Variants in EPAS1 observed in about 807,000 individuals in gnomAD.
The protein encoded by EPAS1 is endothelial PAS domain-containing protein 1.
Under a neutral mutation model 87.9 loss-of-function variants are expected in EPAS1, and 23 were observed. The ratio of observed to expected loss-of-function variants is 0.26; its 90% confidence interval spans 0.19 to 0.37. The LOEUF (loss-of-function observed/expected upper bound fraction) is 0.37. Ranked by LOEUF, EPAS1 falls within the 10% of genes least tolerant of loss-of-function variation. EPAS1 has a pLI of 1.00. For missense variants in EPAS1, 1,138 were observed against 1,120.7 expected (o/e 1.02, Z -0.22); for synonymous variants, 508 against 444.3 (o/e 1.14, Z -1.80).
chr2:46,318,099 T>C (rs72795680), intron 1 of EPAS1, among the ~76,000 whole-genome samples: 40,408 of 151,944 alleles, frequency 0.27, 6,291 homozygotes, highest in East Asian at 0.59. Context: ...ATAGAGCCCA[T>C]TGTAGAGTTA....
chr2:46,381,081 C>A, intron 12 of EPAS1: 1 of 364,682 alleles, frequency 2.7e-6, no homozygotes, highest in Non-Finnish European at 5.2e-6. Flanking sequence ...GATACCCCTG[C>A]CTCCCCTTGC....
chr2:46,326,566 G>T (rs1013159988), intron 1 of EPAS1, among the ~76,000 whole-genome samples: 1 of 152,186 alleles, frequency 6.6e-6, no homozygotes. Flanking sequence ...AGTATTTAAA[G>T]TTCTACACAG....
At chr2:46,299,126 C>T (rs964920820) in intron 1 of EPAS1, among the ~76,000 whole-genome samples, 4 of 152,242 alleles carry the variant, frequency 2.6e-5, no homozygotes, top group African/African-American at 9.6e-5. Context: ...GGCTCACTGC[C>T]GAGGTTGATT....
intron 10 of EPAS1, among the ~76,000 whole-genome samples, chr2:46,378,292 C>G (rs1451500282): frequency 2.0e-5 from 3 of 152,224 alleles, no homozygotes; most frequent in African/African-American, 7.2e-5. Flanking sequence ...GAAATAAGCT[C>G]CTTGAAGGGC....
At chr2:46,321,474 T>C (rs1453984723) in intron 1 of EPAS1, among the ~76,000 whole-genome samples, 3 of 152,232 alleles carry the variant, frequency 2.0e-5, no homozygotes, top group Admixed American at 6.5e-5. Context: ...CATACCATTG[T>C]ACATTTTCAC....
chr2:46,376,893 AG>A, intron 9 of EPAS1, 140 bp downstream of exon 9: 1 of 857,272 alleles, frequency 1.2e-6, no homozygotes. Flanking sequence ...ATCACCTGTT[AG>A]AGGCCAGGCC....
chr2:46,363,640 T>G (rs925028965), intron 6 of EPAS1, among the ~76,000 whole-genome samples: 2 of 152,150 alleles, frequency 1.3e-5, no homozygotes, highest in African/African-American at 2.4e-5. Context: ...TGTGCTGACT[T>G]CTTAGTTTGG....
chr2:46,361,058 C>G lies in EPAS1; in HGVS notation c.747C>G (p.Ser249Arg). 3 of 1,614,182 alleles carry G rather than the reference C, an allele frequency of 1.9e-6. No individual in the cohort carries two copies. Among genetic ancestry groups the G allele is most frequent in the Non-Finnish European group, 2.5e-6 (3 of 1,180,038 alleles). Residue 249 changes from serine (S) to arginine (R), a missense_variant, in exon 6 of 16, where the codon AGC (serine) becomes AGG (arginine). Physicochemically the swap from Ser to Arg is moderately radical, Grantham distance 110. Transcript: ENST00000263734. ...LDSKTFLSRHSMDMKFTYCDD... is the reference protein window; with the variant it reads ...LDSKTFLSRHRMDMKFTYCDD... ...GCAAGACCTTCCTGAGCCGCCACAG[C>G]ATGGACATGAAGTTCACCTACTGTG...
Position 46,371,125 on chromosome 2 carries a change from G to T in EPAS1, c.886+1192G>T, listed in dbSNP as rs910206723. 3.3e-5 allele frequency among the ~76,000 whole-genome samples: 5 copies of T among 152,184 alleles called. No homozygotes were observed. Among genetic ancestry groups the T allele is most frequent in the Admixed American group, 3.3e-4 (5 of 15,290 alleles). On this transcript the variant is annotated intron_variant, in intron 7 of 15. Coordinates refer to ENST00000263734, the MANE Select transcript of EPAS1 (RefSeq NM_001430.5). The surrounding 1 kb of genome is among the most constrained non-coding windows in gnomAD (Gnocchi z 4.3). ...CCACAGTGGTGCAGACAGTGGTGCTGAGAGGATTATGGGAGGATTAAAAAC... is the reference window on the plus strand; with the variant it reads ...CCACAGTGGTGCAGACAGTGGTGCTTAGAGGATTATGGGAGGATTAAAAAC...
chr2:46,377,282 T>G (rs1398421811), intron 9 of EPAS1, among the ~76,000 whole-genome samples: 1 of 152,194 alleles, frequency 6.6e-6, no homozygotes, highest in Non-Finnish European at 1.5e-5. Context: ...CCTGGGGATG[T>G]AAGTCACTGG....
At chr2:46,364,122 C>T (rs1042817856) in intron 6 of EPAS1, among the ~76,000 whole-genome samples, 1 of 152,156 alleles carries the variant, frequency 6.6e-6, no homozygotes, top group Non-Finnish European at 1.5e-5. Context: ...CCTCAATTCC[C>T]CTTTAGAGAC....
chr2:46,383,905 C>T (rs1187804368), intron 15 of EPAS1, among the ~76,000 whole-genome samples: 1 of 152,158 alleles, frequency 6.6e-6, no homozygotes, highest in Non-Finnish European at 1.5e-5. Context: ...GGTGGGTGGG[C>T]ATCTCCCATC....
intron 1 of EPAS1, among the ~76,000 whole-genome samples, chr2:46,326,100 C>T (rs939376735): frequency 6.6e-6 from 1 of 152,060 alleles, no homozygotes; most frequent in Non-Finnish European, 1.5e-5. Flanking sequence ...TGGATCAGTT[C>T]CTTCTAGGCA....
intron 1 of EPAS1, among the ~76,000 whole-genome samples, chr2:46,301,412 TA>T (rs1360907797): frequency 6.6e-6 from 1 of 151,964 alleles, no homozygotes; most frequent in East Asian, 1.9e-4. Context: ...CCGTCTCTAT[TA>T]AAAACACAAA....
intron 1 of EPAS1, among the ~76,000 whole-genome samples, chr2:46,344,315 G>A (rs576151853): frequency 1.3e-5 from 2 of 152,356 alleles, no homozygotes; most frequent in South Asian, 4.1e-4. Flanking sequence ...GCAGAGGGAA[G>A]CTTTGTGCAT....
In EPAS1 at chr2:46,385,956, T is replaced by G. The variant is rs967835558; in HGVS notation, c.*1296T>G. ...TCCACGTCCTCCAAGCTCACGACCTTGGAGCCCCGTGGAGCTGGACTGAGG... is the reference window on the plus strand; with the variant it reads ...TCCACGTCCTCCAAGCTCACGACCTGGGAGCCCCGTGGAGCTGGACTGAGG... On this transcript the variant is annotated 3_prime_UTR_variant, in exon 16 of 16. Transcript: ENST00000263734. 1 of 152,608 alleles carries G rather than the reference T, an allele frequency of 6.6e-6. No individual in the cohort carries two copies. The highest frequency in any genetic ancestry group is 2.4e-5 in the African/African-American group (1 of 41,560). 9.5% of individuals were successfully genotyped at this position (152,608 alleles called of 1,614,324 possible). A position where few individuals can be genotyped will look rare whatever the true frequency, so the allele number is the denominator to read the frequency against.
chr2:46,346,940 G>C lies in EPAS1; in HGVS notation c.94G>C (p.Glu32Gln). ...GCGGTGCCGGCGGAGCAAGGAGACG[G>C]AGGTGTTCTATGAGCTGGCCCATGA... ...AARCRRSKET[E>Q]VFYELAHELP... Residue 32 changes from glutamate to glutamine, a missense_variant, in exon 2 of 16, where the codon GAG (glutamate) becomes CAG (glutamine). Transcript: ENST00000263734. This position sits in a 1 kb window ranked among gnomAD's most constrained non-coding sequence, Gnocchi z 4.0. 1 of 1,614,200 alleles carries C rather than the reference G, an allele frequency of 6.2e-7. No homozygotes were observed. The highest frequency in any genetic ancestry group is 8.5e-7 in the Non-Finnish European group (1 of 1,180,036).
At chr2:46,370,983 G>A (rs1013455526) in intron 7 of EPAS1, among the ~76,000 whole-genome samples, 1 of 152,174 alleles carries the variant, frequency 6.6e-6, no homozygotes, top group African/African-American at 2.4e-5. Context: ...GGAACAAGGG[G>A]CTCATATCTT....
chr2:46,381,179 TC>T, intron 12 of EPAS1: 1 of 356,080 alleles, frequency 2.8e-6, no homozygotes, highest in Non-Finnish European at 5.4e-6. Flanking sequence ...CCCAGCATGC[TC>T]ATTTCACCAG....
Sources: allele counts gnomAD v4.1 joint callset (sites outside exome capture counted in the v4.1 genomes callset), GRCh38; gene constraint gnomAD v4.1.1; non-coding constraint Gnocchi (gnomAD v3.1); transcripts MANE v1.5; gene names NCBI Gene and HGNC (gene_info 2026-07-23, HGNC 2026-07-21).